The following CLASP1 variants were observed in gnomAD, a reference collection of about 807,000 sequenced individuals.
The protein encoded by CLASP1 is CLIP-associating protein 1.
A neutral mutation model predicts 192.3 loss-of-function variants in CLASP1; 38 were observed. That is an observed-to-expected ratio of 0.20 (90% CI 0.15 to 0.26). The LOEUF (loss-of-function observed/expected upper bound fraction) is 0.26, where lower values mean the gene tolerates loss of function less well. Among genes scored for constraint, CLASP1 ranks in the 10% least tolerant of loss-of-function variants. The pLI is 1.00. For synonymous variants in CLASP1, 691 were observed against 712.8 expected (o/e 0.97, Z 0.49); for missense variants, 1,433 against 1,932.5 (o/e 0.74, Z 4.85).
chr2:121,480,863 G>A, intron 8 of CLASP1, among the ~76,000 whole-genome samples: 1 of 152,330 alleles, frequency 6.6e-6, no homozygotes, highest in East Asian at 1.9e-4. Context: ...GCAGGTACAA[G>A]CCTGGAGCTG....
At chr2:121,535,117 A>G (rs1389483515) in intron 2 of CLASP1, among the ~76,000 whole-genome samples, 1 of 152,188 alleles carries the variant, frequency 6.6e-6, no homozygotes, top group African/African-American at 2.4e-5. Context: ...ACCTCTACGA[A>G]AAAATACAAA....
At chr2:121,578,230 C>G (rs1170528928) in intron 2 of CLASP1, among the ~76,000 whole-genome samples, 1 of 151,910 alleles carries the variant, frequency 6.6e-6, no homozygotes, top group Non-Finnish European at 1.5e-5. Flanking sequence ...CCACCACACC[C>G]TGCCGCTAGA....
chr2:121,613,893 T>G (rs568926918), intron 1 of CLASP1, among the ~76,000 whole-genome samples: 22 of 152,350 alleles, frequency 1.4e-4, no homozygotes, highest in African/African-American at 5.1e-4. Flanking sequence ...TGGGAAGATC[T>G]TGTGCTAGTC....
At chr2:121,494,456 ATAG>A (rs2150174663) in intron 8 of CLASP1, among the ~76,000 whole-genome samples, 1 of 152,216 alleles carries the variant, frequency 6.6e-6, no homozygotes, top group East Asian at 1.9e-4. Flanking sequence ...CCTGGGAAGA[ATAG>A]TGGTGGTGGG....
intron 9 of CLASP1, among the ~76,000 whole-genome samples, chr2:121,466,557 C>T: frequency 6.6e-6 from 1 of 152,206 alleles, no homozygotes; most frequent in East Asian, 1.9e-4. Flanking sequence ...TCAAAGCTCA[C>T]AGCCATCAGT....
rs1487019296 is a variant in CLASP1, at chr2:121,450,894, G to C, written c.1523+19C>G. ...ATAGAAGAAGTTAATTTAAAAAGTGGTGTACAATAAAAACTTACTTTCTGG... is the reference window on the plus strand; with the variant it reads ...ATAGAAGAAGTTAATTTAAAAAGTGCTGTACAATAAAAACTTACTTTCTGG... On this transcript the variant is annotated intron_variant, in intron 16 of 39. Transcript: ENST00000263710. 6.6e-7 allele frequency: 1 copy of C among 1,522,078 alleles called. No homozygotes were observed. Among genetic ancestry groups the C allele is most frequent in the Non-Finnish European group, 9.1e-7 (1 of 1,098,328 alleles). The allele number at this position is 1,522,078 out of a possible 1,614,324, so 94.3% of individuals were successfully genotyped here. A position where few individuals can be genotyped will look rare whatever the true frequency, so the allele number is the denominator to read the frequency against.
intron 2 of CLASP1, chr2:121,531,044 A>G (rs746888022): frequency 4.7e-5 from 33 of 698,506 alleles, no homozygotes; most frequent in Middle Eastern, 3.6e-4. Flanking sequence ...CAGTTCAAAC[A>G]GCAGTAATTC....
chr2:121,384,086 GTATA>G (rs141994879), intron 32 of CLASP1, among the ~76,000 whole-genome samples: 1 of 98,720 alleles, frequency 1.0e-5, no homozygotes, highest in Admixed American at 1.1e-4. Context: ...ACATATATAT[GTATA>G]TATACACACA....
intron 34 of CLASP1, among the ~76,000 whole-genome samples, chr2:121,374,903 A>C (rs1447205925): frequency 6.6e-6 from 1 of 152,164 alleles, no homozygotes; most frequent in Non-Finnish European, 1.5e-5. Flanking sequence ...GTCTCAGATT[A>C]GACTTTGGAC....
At chr2:121,614,445 G>T (rs2066131514) in intron 1 of CLASP1, among the ~76,000 whole-genome samples, 1 of 152,112 alleles carries the variant, frequency 6.6e-6, no homozygotes, top group Admixed American at 6.5e-5. Context: ...GTGGTGAGCT[G>T]AGATCACACC....
chr2:121,444,916 A>C lies in CLASP1; in HGVS notation c.1912+2421T>G, dbSNP rs185531979. ...GACCAGAGAAAGTGAGACACACCTC[A>C]ATCACAGAAACAAACCGCTTACCCT... On this transcript the variant is annotated intron_variant, in intron 19 of 39. Transcript: ENST00000263710. The C allele has an allele frequency of 2.8e-5, 38 of 1,349,080 alleles. No individual in the cohort carries two copies. In the African/African-American group the frequency reaches 3.0e-4, roughly 11 times the overall value. The allele number at this position is 1,349,080 out of a possible 1,614,324, so 83.6% of individuals were successfully genotyped here. A position where few individuals can be genotyped will look rare whatever the true frequency, so the allele number is the denominator to read the frequency against.
intron 1 of CLASP1, among the ~76,000 whole-genome samples, chr2:121,611,164 T>G (rs1291806490): frequency 0.063 from 1,592 of 25,422 alleles, no homozygotes; most frequent in Admixed American, 0.075. Context: ...GGAGGAGGAG[T>G]TGGAGGAGTT....
chr2:121,553,701 A>AAAAT (rs1282474435), intron 2 of CLASP1, among the ~76,000 whole-genome samples: 30 of 152,278 alleles, frequency 2.0e-4, no homozygotes, highest in Non-Finnish European at 3.1e-4. Context: ...CTCTGTCTCA[A>AAAAT]AAATAAATAA....
intron 34 of CLASP1, among the ~76,000 whole-genome samples, chr2:121,369,787 T>C (rs946386863): frequency 6.6e-6 from 1 of 152,264 alleles, no homozygotes; most frequent in African/African-American, 2.4e-5. Context: ...TTTAATATTT[T>C]TGCTACTGTA....
intron 33 of CLASP1, among the ~76,000 whole-genome samples, chr2:121,379,274 T>A (rs188303638): frequency 1.3e-5 from 2 of 150,770 alleles, no homozygotes; most frequent in African/African-American, 4.8e-5. Context: ...AAAAGAAATG[T>A]GAACCTTGAA....
At chr2:121,570,834 C>T (rs151234291) in intron 2 of CLASP1, among the ~76,000 whole-genome samples, 30 of 152,198 alleles carry the variant, frequency 2.0e-4, no homozygotes, top group Admixed American at 9.2e-4. Context: ...TCTGGATTTA[C>T]TGGATATGAA....
At chr2:121,447,008 A>C (rs1005902245) in intron 19 of CLASP1, among the ~76,000 whole-genome samples, 3 of 152,158 alleles carry the variant, frequency 2.0e-5, no homozygotes, top group African/African-American at 7.2e-5. Context: ...GGGGGAAAAA[A>C]CTTAGCTTTG....
Position 121,490,206 on chromosome 2 carries a change from T to C in CLASP1, c.712+12961A>G, listed in dbSNP as rs957827257. 1.7e-5 allele frequency: 7 copies of C among 410,448 alleles called. No homozygotes were observed. The Middle Eastern group carries it at 2.1e-3, about 123-fold the overall frequency. 25.4% of individuals were successfully genotyped at this position (410,448 alleles called of 1,614,324 possible). ...TAGTTACCACAGGAATTATAAAATA[T>C]TTAAGCATTTCCTAGCCAAGCAGCA... On this transcript the variant is annotated intron_variant, in intron 8 of 39. Coordinates refer to ENST00000263710, the Ensembl canonical transcript of CLASP1.
At chr2:121,342,696 T>C (rs2062933912) in intron 39 of CLASP1, among the ~76,000 whole-genome samples, 1 of 151,984 alleles carries the variant, frequency 6.6e-6, no homozygotes, top group Admixed American at 6.6e-5. Context: ...ATCTCAGCAA[T>C]GTAGGAGGCT....
Sources: allele counts gnomAD v4.1 joint callset (sites outside exome capture counted in the v4.1 genomes callset), GRCh38; gene constraint gnomAD v4.1.1; transcripts MANE v1.5; gene names NCBI Gene and HGNC (gene_info 2026-07-23, HGNC 2026-07-21).